Variants in DIAPH3 observed in about 807,000 individuals in gnomAD.
DIAPH3 encodes the protein diaphanous related formin 3.
Under a neutral mutation model 144.3 loss-of-function variants are expected in DIAPH3, and 117 were observed. The observed-to-expected ratio is 0.81, with a 90% CI of 0.70 to 0.95. DIAPH3 has a LOEUF of 0.95. Ranked by LOEUF, DIAPH3 falls within the 40% of genes least tolerant of loss-of-function variation. DIAPH3 has a pLI of 0.00. For missense variants in DIAPH3, 1,421 were observed against 1,412.7 expected (o/e 1.01, Z -0.09); for synonymous variants, 519 against 488.9 (o/e 1.06, Z -0.81).
chr13:59,749,061 A>C (rs1330148616), intron 27 of DIAPH3, among the ~76,000 whole-genome samples: 1 of 151,724 alleles, frequency 6.6e-6, no homozygotes, highest in Non-Finnish European at 1.5e-5. Flanking sequence ...TGAGAGTGAG[A>C]TAGTTAGCCA....
rs1256676551 is a variant in DIAPH3, at chr13:59,869,027, T to C, written c.2608-7491A>G. Reference sequence around the variant, plus strand: ...TATTAATAAAATGGCTGTAAACATTTGTATGCAGGTTTTTGTGTGGACTTA... The same window carrying C: ...TATTAATAAAATGGCTGTAAACATTCGTATGCAGGTTTTTGTGTGGACTTA... On this transcript the variant is annotated intron_variant, in intron 21 of 27. Transcript: ENST00000400324. Among the ~76,000 whole-genome samples the C allele has an allele frequency of 3.9e-5, 6 of 152,292 alleles. No individual in the cohort carries two copies. In the South Asian group the frequency reaches 8.3e-4, roughly 21 times the overall value.
intron 27 of DIAPH3, among the ~76,000 whole-genome samples, chr13:59,772,151 G>C (rs1247420384): frequency 1.3e-5 from 2 of 151,924 alleles, no homozygotes; most frequent in African/African-American, 2.4e-5. Flanking sequence ...TTTAGAAATA[G>C]AAAGATTTCC....
At chr13:59,769,437 C>G (rs1450661897) in intron 27 of DIAPH3, among the ~76,000 whole-genome samples, 1 of 152,128 alleles carries the variant, frequency 6.6e-6, no homozygotes, top group African/African-American at 2.4e-5. Context: ...CAGTCCTTAA[C>G]TTGCCATTCT....
At chr13:59,775,941 G>C (rs1444876876) in intron 25 of DIAPH3, among the ~76,000 whole-genome samples, 1 of 152,108 alleles carries the variant, frequency 6.6e-6, no homozygotes, top group Admixed American at 6.5e-5. Flanking sequence ...TGTTCAAAGA[G>C]AACAGGAGAA....
At chr13:60,062,078 T>A (rs999424103) in intron 4 of DIAPH3, among the ~76,000 whole-genome samples, 1 of 152,204 alleles carries the variant, frequency 6.6e-6, no homozygotes, top group South Asian at 2.1e-4. Context: ...TATTTTATCT[T>A]AATTACTTCT....
chr13:59,858,886 AG>A (rs567937154), intron 22 of DIAPH3, among the ~76,000 whole-genome samples: 120 of 152,294 alleles, frequency 7.9e-4, no homozygotes, highest in African/African-American at 2.7e-3. Flanking sequence ...ATTGTCATAC[AG>A]GTAAGCTCAT....
chr13:59,869,099 T>C (rs1361449050), intron 21 of DIAPH3, among the ~76,000 whole-genome samples: 3 of 152,162 alleles, frequency 2.0e-5, no homozygotes, highest in Admixed American at 2.0e-4. Flanking sequence ...GATTACTGGA[T>C]GGTTTGTTCT....
chr13:60,142,987 A>G (rs1951343224), intron 1 of DIAPH3, among the ~76,000 whole-genome samples: 1 of 151,722 alleles, frequency 6.6e-6, no homozygotes, highest in Admixed American at 6.6e-5. Flanking sequence ...TCCTAGCCTC[A>G]AGTGATCCTT....
intron 4 of DIAPH3, among the ~76,000 whole-genome samples, chr13:60,061,261 G>A: frequency 6.6e-6 from 1 of 152,078 alleles, no homozygotes; most frequent in East Asian, 1.9e-4. Flanking sequence ...TTTATAGGAA[G>A]GGAGAGAATA....
intron 27 of DIAPH3, among the ~76,000 whole-genome samples, chr13:59,726,904 GAAATT>G (rs1234777500): frequency 2.6e-5 from 4 of 152,136 alleles, no homozygotes; most frequent in African/African-American, 9.7e-5. Context: ...GAATGGAGTA[GAAATT>G]AGATGTTAGA....
At chr13:60,058,623 C>A (rs2056646040) in intron 4 of DIAPH3, among the ~76,000 whole-genome samples, 1 of 151,880 alleles carries the variant, frequency 6.6e-6, no homozygotes, top group South Asian at 2.1e-4. Flanking sequence ...TAACTGCCCA[C>A]CAACTGGTGA....
At chr13:60,023,452 G>A (rs74406355) in intron 5 of DIAPH3, among the ~76,000 whole-genome samples, 1 of 132,252 alleles carries the variant, frequency 7.6e-6, no homozygotes, top group Non-Finnish European at 1.6e-5. Flanking sequence ...TTTTTTTTTT[G>A]AGACACAGTC....
chr13:60,157,129 G>A (rs1469880361), intron 1 of DIAPH3, among the ~76,000 whole-genome samples: 1 of 151,520 alleles, frequency 6.6e-6, no homozygotes, highest in African/African-American at 2.4e-5. Flanking sequence ...ATTTTTAGTA[G>A]AGACGGGGTT....
rs545583257 is a variant in DIAPH3 at position 59,942,091 on chromosome 13, T to C, written c.2075-17221A>G. Among the ~76,000 whole-genome samples the C allele has an allele frequency of 2.5e-4, 38 of 152,302 alleles. No individual in the cohort carries two copies. In the South Asian group the frequency reaches 4.1e-3, roughly 17 times the overall value. ...AAGATATATATGATTTTTCACTTCA[T>C]CAATTACTTCCATCCTCAAATTTGA... On this transcript the variant is annotated intron_variant, in intron 17 of 27. Coordinates refer to ENST00000400324, the MANE Select transcript of DIAPH3 (RefSeq NM_001042517.2).
At chr13:59,754,874 T>C (rs1219581790) in intron 27 of DIAPH3, among the ~76,000 whole-genome samples, 2 of 152,098 alleles carry the variant, frequency 1.3e-5, no homozygotes, top group African/African-American at 4.8e-5. Context: ...ATTTTAAGCC[T>C]CACAAAGAAC....
chr13:59,687,225 G>T (rs2033266722), intron 27 of DIAPH3, among the ~76,000 whole-genome samples: 1 of 152,092 alleles, frequency 6.6e-6, no homozygotes, highest in Non-Finnish European at 1.5e-5. Context: ...AGTCAAAGCT[G>T]CAGGACACCA....
chr13:60,000,450 C>G (rs2052454957), intron 9 of DIAPH3, among the ~76,000 whole-genome samples: 1 of 151,324 alleles, frequency 6.6e-6, no homozygotes, highest in Non-Finnish European at 1.5e-5. Flanking sequence ...CAAACAATGG[C>G]TATGTATTTC....
rs1393196945 is a variant in DIAPH3 at position 60,025,686 on chromosome 13, TA to T, written c.627-9542del. Among the ~76,000 whole-genome samples the T allele has an allele frequency of 2.6e-5, 4 of 152,152 alleles. No homozygotes were observed. In the East Asian group the frequency reaches 7.7e-4, roughly 29 times the overall value. On this transcript the variant is annotated intron_variant, in intron 5 of 27. Coordinates refer to ENST00000400324, the MANE Select transcript of DIAPH3 (RefSeq NM_001042517.2). The stretch of plus-strand genomic sequence containing the variant: ...AAGAAATGAATTCAACAACAATTTA[TA>T]AATAATTCTGTAGAAGTGAAATCCT...
chr13:59,746,897 A>G (rs943084334), intron 27 of DIAPH3, among the ~76,000 whole-genome samples: 1 of 152,198 alleles, frequency 6.6e-6, no homozygotes, highest in African/African-American at 2.4e-5. Context: ...AATGACTGAC[A>G]AAGAGAAAAA....
Sources: allele counts gnomAD v4.1 joint callset (sites outside exome capture counted in the v4.1 genomes callset), GRCh38; gene constraint gnomAD v4.1.1; transcripts MANE v1.5; gene names NCBI Gene and HGNC (gene_info 2026-07-23, HGNC 2026-07-21).